The following RSU1 variants were observed in gnomAD, a reference collection of about 807,000 sequenced individuals.
RSU1 encodes the protein Ras suppressor protein 1.
RSU1 carries 26 observed loss-of-function variants against 31.1 expected under a neutral mutation model. The observed-to-expected ratio is 0.84, with a 90% CI of 0.61 to 1.16. The LOEUF (loss-of-function observed/expected upper bound fraction) is 1.16, where lower values mean the gene tolerates loss of function less well. Ranked by LOEUF, RSU1 falls within the 50% of genes most tolerant of loss-of-function variation. The pLI, the probability that RSU1 is intolerant of heterozygous loss-of-function variation, is 0.00. For missense variants in RSU1, 320 were observed against 339.1 expected (o/e 0.94, Z 0.44); for synonymous variants, 164 against 136.3 (o/e 1.20, Z -1.41).
intron 4 of RSU1, 93 bp downstream of exon 4, chr10:16,764,297 G>C: frequency 7.5e-7 from 1 of 1,327,150 alleles, no homozygotes; most frequent in Non-Finnish European, 1.0e-6. Context: ...CCATTTCTGT[G>C]CAATAATATA....
At chr10:16,609,202 G>C (rs1310017559) in intron 8 of RSU1, among the ~76,000 whole-genome samples, 2 of 152,124 alleles carry the variant, frequency 1.3e-5, no homozygotes, top group Non-Finnish European at 2.9e-5. Context: ...AGTGCAAAAA[G>C]CTTAAAAATA....
chr10:16,747,403 C>G (rs1314049237), intron 7 of RSU1, among the ~76,000 whole-genome samples: 4 of 152,160 alleles, frequency 2.6e-5, no homozygotes, highest in Non-Finnish European at 5.9e-5. Flanking sequence ...ATCTGAGGCT[C>G]AGGTCAGGAT....
intron 2 of RSU1, among the ~76,000 whole-genome samples, chr10:16,805,349 C>A (rs1838243784): frequency 6.6e-6 from 1 of 152,176 alleles, no homozygotes; most frequent in Non-Finnish European, 1.5e-5. Flanking sequence ...CTCCAGCTCT[C>A]TGTGAATCGA....
At chr10:16,674,893 C>T (rs894551091) in intron 8 of RSU1, among the ~76,000 whole-genome samples, 17 of 151,994 alleles carry the variant, frequency 1.1e-4, no homozygotes, top group African/African-American at 2.4e-4. Flanking sequence ...ATTAGCCAGG[C>T]GTGGTGGCAC....
chr10:16,814,451 GAAAAA>G (rs369214166), intron 2 of RSU1, among the ~76,000 whole-genome samples: 5 of 121,182 alleles, frequency 4.1e-5, no homozygotes, highest in East Asian at 2.4e-4. Context: ...CTGTTTTCAG[GAAAAA>G]AAAAAAAAAA....
chr10:16,687,672 T>C (rs1412647884), intron 8 of RSU1, among the ~76,000 whole-genome samples: 1 of 152,206 alleles, frequency 6.6e-6, no homozygotes, highest in Non-Finnish European at 1.5e-5. Context: ...TGATACCTCA[T>C]GATCACATAC....
At chr10:16,768,308 A>G (rs1480844353) in intron 3 of RSU1, among the ~76,000 whole-genome samples, 1 of 152,216 alleles carries the variant, frequency 6.6e-6, no homozygotes, top group Non-Finnish European at 1.5e-5. Flanking sequence ...AGGATTCTAA[A>G]AGGAGATGGA....
chr10:16,610,539 G>T (rs1200903125), intron 8 of RSU1, among the ~76,000 whole-genome samples: 1 of 152,168 alleles, frequency 6.6e-6, no homozygotes, highest in African/African-American at 2.4e-5. Context: ...CATTGCACAT[G>T]CGAGAGATCT....
At chr10:16,785,986 T>C (rs1170912414) in intron 2 of RSU1, among the ~76,000 whole-genome samples, 2 of 152,178 alleles carry the variant, frequency 1.3e-5, no homozygotes, top group Non-Finnish European at 2.9e-5. Context: ...ACAATTGGGA[T>C]ATCTGACAAT....
intron 8 of RSU1, among the ~76,000 whole-genome samples, chr10:16,667,991 A>G (rs1163704328): frequency 6.6e-6 from 1 of 152,176 alleles, no homozygotes; most frequent in Non-Finnish European, 1.5e-5. Context: ...ATAAATGCTA[A>G]AGGAGGAGCA....
intron 8 of RSU1, among the ~76,000 whole-genome samples, chr10:16,596,927 T>C (rs1833624245): frequency 6.6e-6 from 1 of 152,168 alleles, no homozygotes; most frequent in South Asian, 2.1e-4. Flanking sequence ...TTCGCCACGT[T>C]GGACATGCTG....
chr10:16,685,674 C>A (rs1039252119), intron 8 of RSU1, among the ~76,000 whole-genome samples: 3 of 152,028 alleles, frequency 2.0e-5, no homozygotes, highest in African/African-American at 7.3e-5. Flanking sequence ...TTTACTGCAA[C>A]CTGTTTTATC....
At chr10:16,797,267 T>C (rs1048176287) in intron 2 of RSU1, among the ~76,000 whole-genome samples, 3 of 151,972 alleles carry the variant, frequency 2.0e-5, no homozygotes, top group African/African-American at 7.3e-5. Flanking sequence ...TAAGTAAAAA[T>C]AAAACGCTTT....
At chr10:16,752,483 T>C in intron 7 of RSU1, 56 bp downstream of exon 7, 1 of 1,296,890 alleles carries the variant, frequency 7.7e-7, no homozygotes, top group Middle Eastern at 1.8e-4. Context: ...ATTGCTACAT[T>C]AGGATAATTG....
At chr10:16,814,232 G>C (rs777860771) in intron 2 of RSU1, among the ~76,000 whole-genome samples, 4 of 152,040 alleles carry the variant, frequency 2.6e-5, no homozygotes, top group Non-Finnish European at 5.9e-5. Flanking sequence ...TTGAGCCCAG[G>C]AGTTTGAGGC....
chr10:16,643,904 A>T (rs536720559), intron 8 of RSU1, among the ~76,000 whole-genome samples: 113 of 151,642 alleles, frequency 7.5e-4, no homozygotes, highest in East Asian at 7.0e-3. Flanking sequence ...TTTTTTTTTA[A>T]AAAAACTTGT....
rs548861657 is a variant in RSU1 at position 16,807,940 on chromosome 10, G to A, written c.109+9033C>T. ...GGGGAGGCTGAGGCAGGAGAATGGC[G>A]TGAACCTGGGAGGCAGAGCTTGCAG... On this transcript the variant is annotated intron_variant, in intron 2 of 8. Transcript: ENST00000345264. Among the ~76,000 whole-genome samples the A allele has an allele frequency of 1.6e-4, 24 of 151,244 alleles. No individual in the cohort carries two copies. In the East Asian group the frequency reaches 2.7e-3, roughly 17 times the overall value.
intron 7 of RSU1, among the ~76,000 whole-genome samples, chr10:16,736,353 T>C (rs1049334055): frequency 6.6e-6 from 1 of 151,992 alleles, no homozygotes; most frequent in Non-Finnish European, 1.5e-5. Flanking sequence ...TAGAAAACAC[T>C]CACACTCTGA....
chr10:16,642,292 C>T (rs765744591), intron 8 of RSU1, among the ~76,000 whole-genome samples: 4 of 152,152 alleles, frequency 2.6e-5, no homozygotes, highest in African/African-American at 4.8e-5. Context: ...CAAAACCAAA[C>T]AGGATAATCC....
Sources: allele counts gnomAD v4.1 joint callset (sites outside exome capture counted in the v4.1 genomes callset), GRCh38; gene constraint gnomAD v4.1.1; transcripts MANE v1.5; gene names NCBI Gene and HGNC (gene_info 2026-07-23, HGNC 2026-07-21).